Variants in ZNF547 observed in about 807,000 individuals in gnomAD.
ZNF547 encodes zinc finger protein 547.
Under a neutral mutation model 7.7 loss-of-function variants are expected in ZNF547, and 4 were observed. The observed-to-expected ratio is 0.52, with a 90% CI of 0.26 to 1.20. The LOEUF is 1.20. Among genes scored for constraint, ZNF547 ranks in the 50% most tolerant of loss-of-function variants. The pLI, the probability that ZNF547 is intolerant of heterozygous loss-of-function variation, is 0.14. For synonymous variants in ZNF547, 166 were observed against 166.2 expected (o/e 1.00, Z 0.01); for missense variants, 449 against 485.8 (o/e 0.92, Z 0.71).
In ZNF547 at chr19:57,378,708, C is replaced by T. The variant is rs2088555440; in HGVS notation, c.*523C>T. 2 of 405,534 alleles carry T rather than the reference C, an allele frequency of 4.9e-6. No individual in the cohort carries two copies. Among genetic ancestry groups the T allele is most frequent in the African/African-American group, 2.1e-5 (1 of 47,802 alleles). 25.1% of individuals were successfully genotyped at this position (405,534 alleles called of 1,614,324 possible). The stretch of plus-strand genomic sequence containing the variant: ...GTTTTTAAAAAACAATGGTGAAGTA[C>T]ATGCCACATAAAATTTGCCATCTTA... On this transcript the variant is annotated 3_prime_UTR_variant, in exon 4 of 4. Transcript: ENST00000282282.
At chr19:57,367,151 G>C (rs929391835) in intron 1 of ZNF547, among the ~76,000 whole-genome samples, 7 of 152,138 alleles carry the variant, frequency 4.6e-5, no homozygotes, top group Admixed American at 4.6e-4. Context: ...GAAAAGCTTG[G>C]ATTACATTAA....
At chr19:57,368,518 T>C (rs746060779) in intron 1 of ZNF547, 26 bp from the exon 2 acceptor site, 1 of 1,613,676 alleles carries the variant, frequency 6.2e-7, no homozygotes, top group Non-Finnish European at 8.5e-7. Context: ...CGTTGCCCAT[T>C]TCTCACGGTT....
At chr19:57,373,587 C>T (rs541147659) in intron 3 of ZNF547, among the ~76,000 whole-genome samples, 302 of 152,240 alleles carry the variant, frequency 2.0e-3, no homozygotes, top group African/African-American at 7.0e-3. Flanking sequence ...TGCCTATGAG[C>T]CTGTAAAATC....
chr19:57,371,759 A>G (rs756201916), intron 2 of ZNF547, 23 bp from the exon 3 acceptor site: 13 of 1,600,606 alleles, frequency 8.1e-6, no homozygotes, highest in South Asian at 6.7e-5. Flanking sequence ...CTGCTCATGT[A>G]TTCATCTTTC....
chr19:57,379,519 T>G lies in ZNF547; in HGVS notation c.*1334T>G, dbSNP rs2088560643. 6.6e-6 allele frequency: 1 copy of G among 152,224 alleles called. No individual in the cohort carries two copies. The highest frequency in any genetic ancestry group is 6.5e-5 in the Admixed American group (1 of 15,280). The allele number at this position is 152,224 out of a possible 1,614,324, so 9.4% of individuals were successfully genotyped here. A position where few individuals can be genotyped will look rare whatever the true frequency, so the allele number is the denominator to read the frequency against. ...TTTCCCAGTGTTTACAACCAGGAAA[T>G]AGCTTGTCATCTTTGATACAAAACA... On this transcript the variant is annotated 3_prime_UTR_variant, in exon 4 of 4. Transcript: ENST00000282282.
chr19:57,376,521 A>G (rs554820058), intron 3 of ZNF547, among the ~76,000 whole-genome samples: 1 of 152,294 alleles, frequency 6.6e-6, no homozygotes, highest in Non-Finnish European at 1.5e-5. Flanking sequence ...CTTCTAAGCT[A>G]TTTGTCTACA....
Position 57,377,195 on chromosome 19 carries a change from G to A in ZNF547, c.219G>A (p.Gln73=). The change falls in exon 4 of 4, where the codon CAG becomes CAA. Residue 73 remains glutamine, a synonymous_variant. Coordinates refer to ENST00000282282, the MANE Select transcript of ZNF547 (RefSeq NM_173631.4). The part of the protein sequence containing the change: ...LEPGVSVGVS[Q]VMAPKPCLST... ...CAGGTGTTTCTGTAGGAGTGTCACA[G>A]GTCATGGCTCCAAAGCCCTGTCTAT... The A allele has an allele frequency of 6.2e-7, 1 of 1,614,220 alleles. No individual in the cohort carries two copies. Among genetic ancestry groups the A allele is most frequent in the Non-Finnish European group, 8.5e-7 (1 of 1,180,042 alleles).
At chr19:57,373,213 G>A (rs373072828) in intron 3 of ZNF547, among the ~76,000 whole-genome samples, 9 of 152,092 alleles carry the variant, frequency 5.9e-5, no homozygotes, top group East Asian at 1.9e-4. Context: ...TTCACAGGGC[G>A]GCAAGACAAA....
intron 2 of ZNF547, chr19:57,370,925 A>T (rs6510066): frequency 0.89 from 135,258 of 151,648 alleles, 60,567 homozygotes; most frequent in Middle Eastern, 0.96. Context: ...GAGAGAGAAA[A>T]GTAGCAGTGA....
chr19:57,364,466 G>GAA, intron 1 of ZNF547: 1 of 242,432 alleles, frequency 4.1e-6, no homozygotes, highest in Non-Finnish European at 8.1e-6. Flanking sequence ...AGGGTGGCCG[G>GAA]GCGTGGTGGC....
chr19:57,373,270 C>T (rs1007757418), intron 3 of ZNF547, among the ~76,000 whole-genome samples: 7 of 152,156 alleles, frequency 4.6e-5, no homozygotes, highest in African/African-American at 1.4e-4. Flanking sequence ...CAGCAAATTT[C>T]ATGAGAATTT....
chr19:57,373,357 C>T (rs559113164), intron 3 of ZNF547, among the ~76,000 whole-genome samples: 29 of 152,216 alleles, frequency 1.9e-4, no homozygotes, highest in African/African-American at 6.0e-4. Flanking sequence ...ACCCTTGACA[C>T]GTGGGGATTA....
In ZNF547 at chr19:57,377,181, G is replaced by A. The variant is rs771687206; in HGVS notation, c.205G>A (p.Val69Ile). Reference sequence around the variant, plus strand: ...GGCACCTTTAGAGCCAGGTGTTTCTGTAGGAGTGTCACAGGTCATGGCTCC... The same window carrying A: ...GGCACCTTTAGAGCCAGGTGTTTCTATAGGAGTGTCACAGGTCATGGCTCC... ...EEAPLEPGVS[V>I]GVSQVMAPKP... The change falls in exon 4 of 4, where the codon GTA (valine) becomes ATA (isoleucine). Residue 69 changes from valine to isoleucine, a missense_variant. By Grantham distance (29) the Val-to-Ile change is conservative. Transcript: ENST00000282282. 4.3e-6 allele frequency: 7 copies of A among 1,614,204 alleles called. No homozygotes were observed. The Admixed American group carries it at 1.0e-4, about 23-fold the overall frequency.
chr19:57,369,203 A>G (rs1009427539), intron 2 of ZNF547, among the ~76,000 whole-genome samples: 2 of 152,082 alleles, frequency 1.3e-5, no homozygotes, highest in Admixed American at 6.5e-5. Context: ...GTTGGTGGTG[A>G]CTTGTCAAGA....
chr19:57,372,379 T>A (rs539751954), intron 3 of ZNF547, among the ~76,000 whole-genome samples: 1 of 152,314 alleles, frequency 6.6e-6, no homozygotes, highest in Admixed American at 6.5e-5. Context: ...GTGATCTCTC[T>A]GGGAATGTGC....
chr19:57,378,554 C>G lies in ZNF547; in HGVS notation c.*369C>G. ...GCAAATGTGTGACATTATTTTGCTA[C>G]TACTCCACACTACTTAGACATCATG... On this transcript the variant is annotated 3_prime_UTR_variant, in exon 4 of 4. Coordinates refer to ENST00000282282, the MANE Select transcript of ZNF547 (RefSeq NM_173631.4). 1 of 402,082 alleles carries G rather than the reference C, an allele frequency of 2.5e-6. No homozygotes were observed. Among genetic ancestry groups the G allele is most frequent in the Non-Finnish European group, 4.9e-6 (1 of 206,054 alleles). The allele number at this position is 402,082 out of a possible 1,614,324, so 24.9% of individuals were successfully genotyped here. A position where few individuals can be genotyped will look rare whatever the true frequency, so the allele number is the denominator to read the frequency against.
Position 57,378,518 on chromosome 19 carries a change from T to G in ZNF547, c.*333T>G, listed in dbSNP as rs1190034736. On this transcript the variant is annotated 3_prime_UTR_variant, in exon 4 of 4. Transcript: ENST00000282282. ...CAGAATATCCACACTAGTGAAAGTC[T>G]TCTGAGTACAGCAAATGTGTGACAT... The G allele has an allele frequency of 4.3e-6, 2 of 466,380 alleles. No homozygotes were observed. The highest frequency in any genetic ancestry group is 8.2e-6 in the Non-Finnish European group (2 of 242,944). The allele number at this position is 466,380 out of a possible 1,614,324, so 28.9% of individuals were successfully genotyped here.
At chr19:57,373,579 C>A (rs1179573152) in intron 3 of ZNF547, among the ~76,000 whole-genome samples, 1 of 152,108 alleles carries the variant, frequency 6.6e-6, no homozygotes, top group Non-Finnish European at 1.5e-5. Flanking sequence ...GTCCCTTCTG[C>A]CTATGAGCCT....
At chr19:57,368,331 T>C (rs943175494) in intron 1 of ZNF547, 2 of 559,798 alleles carry the variant, frequency 3.6e-6, no homozygotes, top group African/African-American at 3.8e-5. Context: ...TACAACCTAT[T>C]TACAGATGAG....
Sources: allele counts gnomAD v4.1 joint callset (sites outside exome capture counted in the v4.1 genomes callset), GRCh38; gene constraint gnomAD v4.1.1; transcripts MANE v1.5; gene names NCBI Gene and HGNC (gene_info 2026-07-23, HGNC 2026-07-21).